Variants in LRBA observed in about 807,000 individuals in gnomAD.
The protein encoded by LRBA is LPS responsive beige-like anchor protein.
LRBA carries 176 observed loss-of-function variants against 330.0 expected under a neutral mutation model. The observed-to-expected ratio is 0.53, with a 90% confidence interval of 0.47 to 0.60. The LOEUF (loss-of-function observed/expected upper bound fraction) is 0.60, where lower values mean the gene tolerates loss of function less well. Among genes scored for constraint, LRBA ranks in the 20% least tolerant of loss-of-function variants. The pLI, the probability that LRBA is intolerant of heterozygous loss-of-function variation, is 0.00. For synonymous variants in LRBA, 1,230 were observed against 1,193.0 expected (o/e 1.03, Z -0.64); for missense variants, 3,259 against 3,444.8 (o/e 0.95, Z 1.35).
chr4:150,922,417 T>TATATATATATATATATATATATA (rs1561010323), intron 4 of LRBA, among the ~76,000 whole-genome samples: 1 of 147,888 alleles, frequency 6.8e-6, no homozygotes, highest in Non-Finnish European at 1.5e-5. Flanking sequence ...TATATATATA[T>TATATATATATATATATATATATA]GATGGAATAC....
chr4:150,866,141 T>C (rs181117891), intron 22 of LRBA, among the ~76,000 whole-genome samples: 23 of 152,320 alleles, frequency 1.5e-4, no homozygotes, highest in African/African-American at 1.7e-4. Context: ...TTCTAGTCAA[T>C]TTTTTATTAA....
intron 47 of LRBA, among the ~76,000 whole-genome samples, chr4:150,357,958 T>C (rs1236532193): frequency 1.3e-5 from 2 of 152,004 alleles, no homozygotes; most frequent in Non-Finnish European, 2.9e-5. Flanking sequence ...CACGAACAAT[T>C]ACAGGAGACA....
chr4:150,555,037 ATC>A (rs1767113979), intron 40 of LRBA, among the ~76,000 whole-genome samples: 1 of 152,214 alleles, frequency 6.6e-6, no homozygotes, highest in Non-Finnish European at 1.5e-5. Context: ...ACTACTATAA[ATC>A]TGTTTCAATA....
chr4:150,849,048 A>C (rs770529199), intron 25 of LRBA, 50 bp from the exon 26 acceptor site: 2 of 1,285,004 alleles, frequency 1.6e-6, no homozygotes, highest in Non-Finnish European at 2.1e-6. Flanking sequence ...TGAAAAAAAA[A>C]TTTTACCAGA....
intron 35 of LRBA, among the ~76,000 whole-genome samples, chr4:150,739,114 A>T (rs1372890539): frequency 6.6e-6 from 1 of 152,126 alleles, no homozygotes; most frequent in East Asian, 1.9e-4. Flanking sequence ...TTTTAGTATG[A>T]GAAGCAAACA....
chr4:150,735,204 T>A, intron 36 of LRBA, 54 bp downstream of exon 36: 1 of 1,267,072 alleles, frequency 7.9e-7, no homozygotes. Context: ...CAATTTCTCA[T>A]GATTATCATT....
chr4:150,579,337 T>TA (rs760227446), intron 40 of LRBA: 23 of 448,868 alleles, frequency 5.1e-5, no homozygotes, highest in African/African-American at 4.7e-4. Flanking sequence ...AAGCTGCTCT[T>TA]AGAGCAGAGG....
intron 37 of LRBA, among the ~76,000 whole-genome samples, chr4:150,636,942 C>A (rs1438487116): frequency 6.6e-6 from 1 of 152,142 alleles, no homozygotes; most frequent in African/African-American, 2.4e-5. Context: ...ACTATCACAC[C>A]TGGCTTAAGT....
At chr4:150,639,795 ATATATATATATGTG>A (rs1778396701) in intron 37 of LRBA, among the ~76,000 whole-genome samples, 2 of 4,526 alleles carry the variant, frequency 4.4e-4, no homozygotes, top group Non-Finnish European at 4.9e-4. Context: ...GTGTGTGTAT[ATATATATATATGTG>A]TGTGTGTGTG....
intron 2 of LRBA, among the ~76,000 whole-genome samples, chr4:150,961,267 T>G (rs1373062988): frequency 2.0e-5 from 3 of 149,232 alleles, no homozygotes; most frequent in Non-Finnish European, 4.4e-5. Context: ...AATCACTGAA[T>G]CTATGTGAAA....
At chr4:150,424,120 T>C (rs1336457921) in intron 46 of LRBA, among the ~76,000 whole-genome samples, 3 of 152,220 alleles carry the variant, frequency 2.0e-5, no homozygotes, top group Non-Finnish European at 2.9e-5. Context: ...ATTTAAAGTA[T>C]GACAAGCATT....
At chr4:150,959,845 C>T (rs1561059442) in intron 2 of LRBA, among the ~76,000 whole-genome samples, 1 of 143,202 alleles carries the variant, frequency 7.0e-6, no homozygotes, top group African/African-American at 2.7e-5. Context: ...TGTAAATACA[C>T]AAAGAATATA....
rs570421747 is a variant in LRBA, at chr4:150,614,387, G to A, written c.5922-15256C>T. ...TCTTAAATATCACTTTCACAAGAAAGTGGAAAAAAAAGTAAGAAAGTTATT... is the reference window on the plus strand; with the variant it reads ...TCTTAAATATCACTTTCACAAGAAAATGGAAAAAAAAGTAAGAAAGTTATT... On this transcript the variant is annotated intron_variant, in intron 37 of 56. Coordinates refer to ENST00000651943, the MANE Select transcript of LRBA (RefSeq NM_001364905.1). 8.5e-5 allele frequency among the ~76,000 whole-genome samples: 13 copies of A among 152,154 alleles called. No individual in the cohort carries two copies. In the East Asian group the frequency reaches 2.5e-3, roughly 29 times the overall value.
intron 37 of LRBA, among the ~76,000 whole-genome samples, chr4:150,625,838 T>C (rs1437042726): frequency 6.6e-6 from 1 of 151,476 alleles, no homozygotes; most frequent in Non-Finnish European, 1.5e-5. Flanking sequence ...GCCTGCCGAG[T>C]AGCTGGGATT....
intron 4 of LRBA, 137 bp from the exon 5 acceptor site, chr4:150,921,430 T>C (rs533279188): frequency 3.6e-5 from 22 of 604,398 alleles, no homozygotes; most frequent in African/African-American, 3.5e-4. Context: ...ATTTCTAAGT[T>C]ATTTTCAAAT....
intron 44 of LRBA, among the ~76,000 whole-genome samples, chr4:150,457,803 C>T (rs1275898326): frequency 6.6e-6 from 1 of 151,728 alleles, no homozygotes; most frequent in African/African-American, 2.4e-5. Context: ...GTTTGTACAC[C>T]CAGCACCAAA....
At chr4:150,602,570 C>CCA (rs1383009462) in intron 37 of LRBA, among the ~76,000 whole-genome samples, 5 of 151,768 alleles carry the variant, frequency 3.3e-5, no homozygotes, top group African/African-American at 7.2e-5. Context: ...TAACGCTCTA[C>CCA]CACACACACA....
chr4:150,800,090 CTGTT>C (rs1469941324), intron 33 of LRBA, among the ~76,000 whole-genome samples: 2 of 152,176 alleles, frequency 1.3e-5, no homozygotes, highest in Non-Finnish European at 2.9e-5. Flanking sequence ...ATACACATTT[CTGTT>C]TATTTATTTC....
chr4:150,994,661 T>C (rs1742448797), intron 2 of LRBA, among the ~76,000 whole-genome samples: 1 of 152,024 alleles, frequency 6.6e-6, no homozygotes, highest in Non-Finnish European at 1.5e-5. Flanking sequence ...TGGGGAAAGG[T>C]TCTCTAATAA....
Sources: gnomAD v4.1 joint callset for allele counts (sites outside exome capture counted in the v4.1 genomes callset) on GRCh38, gnomAD v4.1.1 for gene constraint, MANE v1.5 for transcripts, NCBI Gene and HGNC (gene_info 2026-07-23, HGNC 2026-07-21) for gene names.